ZMYM4: variants seen among roughly 807,000 people sequenced by gnomAD.
ZMYM4 encodes the protein zinc finger MYM-type protein 4.
A neutral mutation model predicts 183.2 loss-of-function variants in ZMYM4; 31 were observed. The ratio of observed to expected loss-of-function variants is 0.17; its 90% CI spans 0.13 to 0.23. ZMYM4 has a LOEUF of 0.23. Among genes scored for constraint, ZMYM4 ranks in the 10% least tolerant of loss-of-function variants. The probability of loss-of-function intolerance (pLI) is 1.00; values close to 1 mark genes in which losing one functional copy is unlikely to be tolerated. For synonymous variants in ZMYM4, 592 were observed against 631.2 expected (o/e 0.94, Z 0.93); for missense variants, 1,273 against 1,840.3 (o/e 0.69, Z 5.64).
chr1:35,272,743 C>T (rs1410614061), intron 1 of ZMYM4, among the ~76,000 whole-genome samples: 1 of 152,138 alleles, frequency 6.6e-6, no homozygotes, highest in East Asian at 1.9e-4. Context: ...GAGTCTTGCT[C>T]TGTCGCCCAT....
At chr1:35,404,159 G>A (rs555782922) in intron 23 of ZMYM4, among the ~76,000 whole-genome samples, 1 of 152,194 alleles carries the variant, frequency 6.6e-6, no homozygotes, top group African/African-American at 2.4e-5. Flanking sequence ...CAACCTCCTG[G>A]GCTCAGGTGA....
At position 35,386,988 on chromosome 1, in the gene ZMYM4, G is replaced by A. The variant is rs1284669485; in HGVS notation, c.1837-15G>A. ...AAAGATTAAATTGATACTTTTTGTT[G>A]TTTTGTTTTTCCAGAATTTATTCAA... On this transcript the variant is annotated splice_polypyrimidine_tract_variant and intron_variant, in intron 11 of 29. Transcript: ENST00000314607. 1.2e-6 allele frequency: 2 copies of A among 1,608,586 alleles called. No homozygotes were observed. Among genetic ancestry groups the A allele is most frequent in the Admixed American group, 1.7e-5 (1 of 59,624 alleles).
At chr1:35,413,277 TCA>T (rs1639987554) in intron 26 of ZMYM4, among the ~76,000 whole-genome samples, 4 of 151,416 alleles carry the variant, frequency 2.6e-5, no homozygotes, top group African/African-American at 7.4e-5. Context: ...ACTATTGACC[TCA>T]AGTGATCCTC....
intron 7 of ZMYM4, among the ~76,000 whole-genome samples, chr1:35,377,030 C>G (rs1290746725): frequency 6.6e-6 from 1 of 151,054 alleles, no homozygotes; most frequent in Non-Finnish European, 1.5e-5. Flanking sequence ...CCTCAGCTTC[C>G]CGAGTAGCTG....
At chr1:35,405,515 T>C in intron 25 of ZMYM4, 47 bp downstream of exon 25, 1 of 1,381,482 alleles carries the variant, frequency 7.2e-7, no homozygotes, top group Admixed American at 2.3e-5. Flanking sequence ...TATATTATTA[T>C]TGCGGATTTA....
chr1:35,386,047 C>A, intron 10 of ZMYM4, 27 bp from the exon 11 acceptor site: 1 of 1,488,924 alleles, frequency 6.7e-7, no homozygotes. Context: ...ACATATTACT[C>A]ATTGGTTTTT....
At chr1:35,290,575 G>T (rs1017911551) in intron 1 of ZMYM4, among the ~76,000 whole-genome samples, 1 of 152,070 alleles carries the variant, frequency 6.6e-6, no homozygotes, top group Admixed American at 6.6e-5. Flanking sequence ...GACTAGAGGT[G>T]CATGCCACCA....
chr1:35,397,609 A>C, intron 20 of ZMYM4, 64 bp downstream of exon 20: 1 of 1,396,170 alleles, frequency 7.2e-7, no homozygotes, highest in Non-Finnish European at 9.6e-7. Flanking sequence ...AGGTGACTCA[A>C]GTAATTTTAA....
In ZMYM4 at chr1:35,359,054, A is replaced by G. The variant is rs569512662; in HGVS notation, c.215A>G (p.Tyr72Cys). 3.7e-6 allele frequency: 6 copies of G among 1,613,694 alleles called. No homozygotes were observed. The highest frequency in any genetic ancestry group is 5.1e-6 in the Non-Finnish European group (6 of 1,179,762). Residue 72 changes from tyrosine (Y) to cysteine (C), a missense_variant, in exon 3 of 30, where the codon TAT (tyrosine) becomes TGT (cysteine). Tyr to Cys is a radical substitution (Grantham distance 194, BLOSUM62 -2). This residue lies in a region of ZMYM4 where 384 missense variants were observed against 465.6 expected (regional missense o/e 0.82). Coordinates refer to ENST00000314607, the MANE Select transcript of ZMYM4 (RefSeq NM_005095.3). ...SENSLLDEDD[Y>C]FLNSGDLAGI... is the part of the protein sequence containing the mutation. ...AATTCATTGCTGGATGAAGATGATT[A>G]TTTTTTGAACTCTGGGGATCTTGCA...
intron 2 of ZMYM4, among the ~76,000 whole-genome samples, chr1:35,331,427 T>C (rs1252671709): frequency 1.3e-5 from 2 of 152,186 alleles, no homozygotes. Context: ...GTTTTATCTC[T>C]GTATTGGTAA....
At chr1:35,373,979 G>GTC (rs965776090) in intron 7 of ZMYM4, among the ~76,000 whole-genome samples, 3 of 143,222 alleles carry the variant, frequency 2.1e-5, no homozygotes, top group African/African-American at 7.9e-5. Context: ...TATATATCCT[G>GTC]TCTCTAATTT....
intron 13 of ZMYM4, among the ~76,000 whole-genome samples, chr1:35,388,625 TAAA>T (rs1440346097): frequency 1.3e-5 from 2 of 152,230 alleles, no homozygotes; most frequent in African/African-American, 4.8e-5. Flanking sequence ...ATAGATACTC[TAAA>T]AAATCAAGAT....
At chr1:35,378,749 T>C (rs971096749) in intron 7 of ZMYM4, among the ~76,000 whole-genome samples, 19 of 152,204 alleles carry the variant, frequency 1.2e-4, no homozygotes, top group African/African-American at 4.6e-4. Flanking sequence ...GCATCGTTTT[T>C]CAATAGAAGA....
At chr1:35,283,020 A>G (rs1294952008) in intron 1 of ZMYM4, among the ~76,000 whole-genome samples, 1 of 25,902 alleles carries the variant, frequency 3.9e-5, no homozygotes, top group African/African-American at 1.0e-4. Context: ...TTTTTTTGAG[A>G]CAGAGTGTTA....
At position 35,269,076 on chromosome 1, in the gene ZMYM4, C is replaced by A. The variant is rs1285000163; in HGVS notation, c.30C>A (p.Pro10=). 1 of 1,549,504 alleles carries A rather than the reference C, an allele frequency of 6.5e-7. No homozygotes were observed. The change falls in exon 1 of 30, where the codon CCC becomes CCA. Residue 10 remains proline (P), a synonymous_variant. Transcript: ENST00000314607. MAEREVESG[P]RKRFEQKSGA... ...CGGAGAGAGAGGTGGAGTCCGGCCC[C>A]CGAAAGAGGGTAGGTGAGGTGAGGC...
At chr1:35,301,851 T>A (rs989460940) in intron 1 of ZMYM4, among the ~76,000 whole-genome samples, 3 of 152,192 alleles carry the variant, frequency 2.0e-5, no homozygotes, top group African/African-American at 7.2e-5. Context: ...CCATTTAGGT[T>A]CACTCTGTAT....
intron 2 of ZMYM4, among the ~76,000 whole-genome samples, chr1:35,355,344 G>C (rs1234738220): frequency 6.6e-6 from 1 of 151,484 alleles, no homozygotes; most frequent in Non-Finnish European, 1.5e-5. Flanking sequence ...ACCGCACCCA[G>C]CCATCTGCAA....
intron 1 of ZMYM4, among the ~76,000 whole-genome samples, chr1:35,320,544 C>T (rs1642238511): frequency 6.6e-6 from 1 of 152,020 alleles, no homozygotes; most frequent in South Asian, 2.1e-4. Flanking sequence ...TTAATTGAAC[C>T]TGAGGTGGGG....
In ZMYM4 at chr1:35,370,396, A is replaced by T. The variant is rs1220168479; in HGVS notation, c.950A>T (p.Gln317Leu). ...PLAPQLTTGF[Q>L]PSLASSGMNK... is the part of the protein sequence containing the mutation. The stretch of plus-strand genomic sequence containing the variant: ...GCTCCACAGTTGACTACTGGCTTTC[A>T]GCCCTCACTGGCGTCATCTGGCATG... Residue 317 changes from glutamine to leucine, a missense_variant, in exon 7 of 30, where the codon CAG becomes CTG. Gln to Leu is a moderately radical substitution (Grantham distance 113). Coordinates refer to ENST00000314607, the MANE Select transcript of ZMYM4 (RefSeq NM_005095.3). 4 of 1,496,992 alleles carry T rather than the reference A, an allele frequency of 2.7e-6. No individual in the cohort carries two copies. In the South Asian group the frequency reaches 4.6e-5, roughly 17 times the overall value. The allele number at this position is 1,496,992 out of a possible 1,614,324, so 92.7% of individuals were successfully genotyped here.
Sources: gnomAD v4.1 joint callset for allele counts (sites outside exome capture counted in the v4.1 genomes callset) on GRCh38, gnomAD v4.1.1 for gene constraint, gnomAD v4.1.1 regional missense constraint, MANE v1.5 for transcripts, NCBI Gene and HGNC (gene_info 2026-07-23, HGNC 2026-07-21) for gene names.